Variants in ZEB1 observed in about 807,000 individuals in gnomAD.
The protein encoded by ZEB1 is zinc finger E-box binding homeobox 1.
In ZEB1, 21 loss-of-function variants were observed where a neutral mutation model predicts 84.9. The observed-to-expected ratio is 0.25, with a 90% CI of 0.18 to 0.36. The LOEUF is 0.36. Among genes scored for constraint, ZEB1 ranks in the 10% least tolerant of loss-of-function variants. The pLI, the probability that ZEB1 is intolerant of heterozygous loss-of-function variation, is 1.00. For synonymous variants in ZEB1, 420 were observed against 471.1 expected (o/e 0.89, Z 1.41); for missense variants, 1,104 against 1,330.2 (o/e 0.83, Z 2.65).
chr10:31,520,393 A>T lies in ZEB1; in HGVS notation c.1061A>T (p.Tyr354Phe), dbSNP rs148310638. The T allele has an allele frequency of 6.2e-6, 10 of 1,613,852 alleles. No homozygotes were observed. The African/African-American group carries it at 1.2e-4, about 19-fold the overall frequency. ...CAAATTAAAACTGAACCTGTGGATTATGAATTCAAACCCATAGTGGTTGCT... is the reference window on the plus strand; with the variant it reads ...CAAATTAAAACTGAACCTGTGGATTTTGAATTCAAACCCATAGTGGTTGCT... ...VNQIKTEPVD[Y>F]EFKPIVVASG... The change falls in exon 7 of 9, where the codon TAT (tyrosine) becomes TTT (phenylalanine). Residue 354 changes from tyrosine to phenylalanine, a missense_variant. This residue lies in a region of ZEB1 where 111 missense variants were observed against 161.8 expected (regional missense o/e 0.69). Transcript: ENST00000424869. This position sits in a 1 kb window ranked among gnomAD's most constrained non-coding sequence, Gnocchi z 5.1.
At chr10:31,341,090 T>G (rs2039270912) in intron 1 of ZEB1, among the ~76,000 whole-genome samples, 1 of 152,070 alleles carries the variant, frequency 6.6e-6, no homozygotes, top group African/African-American at 2.4e-5. Context: ...TTTTTGTGAG[T>G]TGGACAGTCA....
intron 1 of ZEB1, among the ~76,000 whole-genome samples, chr10:31,434,093 T>C (rs1279598872): frequency 3.9e-5 from 6 of 152,254 alleles, no homozygotes; most frequent in Admixed American, 1.3e-4. Flanking sequence ...TAAAAATTAT[T>C]TAACCATGTT....
intron 1 of ZEB1, 57 bp downstream of exon 1, chr10:31,319,349 G>A: frequency 6.4e-7 from 1 of 1,563,316 alleles, no homozygotes; most frequent in Non-Finnish European, 8.7e-7. Flanking sequence ...GGCAGCCGGG[G>A]CGCCCCCGGG....
intron 2 of ZEB1, among the ~76,000 whole-genome samples, chr10:31,482,950 T>G (rs1337460130): frequency 6.6e-6 from 1 of 152,054 alleles, no homozygotes; most frequent in East Asian, 1.9e-4. Flanking sequence ...TTTTTTGTAC[T>G]TTTCCTGATC....
chr10:31,510,561 A>G (rs574222773), intron 4 of ZEB1, 112 bp from the exon 5 acceptor site: 2 of 827,480 alleles, frequency 2.4e-6, no homozygotes, highest in South Asian at 2.9e-5. Context: ...TTTGAGGATC[A>G]AATATAAAGT....
intron 1 of ZEB1, among the ~76,000 whole-genome samples, chr10:31,379,696 G>A (rs1352867022): frequency 7.0e-6 from 1 of 143,150 alleles, no homozygotes; most frequent in East Asian, 2.0e-4. Context: ...AATAGATGAT[G>A]TTCCAAAGGC....
chr10:31,329,902 T>G (rs1357723867), intron 1 of ZEB1, among the ~76,000 whole-genome samples: 2 of 152,180 alleles, frequency 1.3e-5, no homozygotes, highest in Non-Finnish European at 2.9e-5. Flanking sequence ...TTGTTTGTCT[T>G]TTTATTATTC....
intron 1 of ZEB1, among the ~76,000 whole-genome samples, chr10:31,417,381 G>A (rs749421344): frequency 6.6e-6 from 1 of 152,090 alleles, no homozygotes; most frequent in Non-Finnish European, 1.5e-5. Context: ...GAGGTGTGAG[G>A]TTTAGGTTGG....
At chr10:31,365,870 T>G (rs1360639548) in intron 1 of ZEB1, among the ~76,000 whole-genome samples, 1 of 152,230 alleles carries the variant, frequency 6.6e-6, no homozygotes, top group Admixed American at 6.5e-5. Flanking sequence ...TATGCTCTAC[T>G]GAATATAGGG....
At chr10:31,466,205 G>A (rs190482043) in intron 2 of ZEB1, among the ~76,000 whole-genome samples, 7 of 152,260 alleles carry the variant, frequency 4.6e-5, no homozygotes, top group Non-Finnish European at 7.4e-5. Context: ...CAATAATGGA[G>A]AAATCATCTA....
chr10:31,319,207 C>G (rs367615307), upstream of ZEB1: 161 of 1,590,392 alleles, frequency 1.0e-4, no homozygotes, highest in Middle Eastern at 2.0e-4. Flanking sequence ...GGAGGTGACT[C>G]GAGCATTTAG....
chr10:31,511,254 A>T (rs556267652), intron 5 of ZEB1, among the ~76,000 whole-genome samples: 1 of 152,194 alleles, frequency 6.6e-6, no homozygotes, highest in Non-Finnish European at 1.5e-5. Context: ...TACTAACCAA[A>T]TTGACAAGAA....
Position 31,411,638 on chromosome 10 carries a change from CAAA to C in ZEB1, c.59-49383_59-49381del, listed in dbSNP as rs11440732. On this transcript the variant is annotated intron_variant, in intron 1 of 8. Transcript: ENST00000424869. ...TGGGCGACAGAGCGAGACTCCGTCTCAAAAAAAAAAAAAAAAAAGCAGCATTAG... is the reference window on the plus strand; with the variant it reads ...TGGGCGACAGAGCGAGACTCCGTCTCAAAAAAAAAAAAAAAGCAGCATTAG... 6.1e-5 allele frequency among the ~76,000 whole-genome samples: 6 copies of C among 98,092 alleles called. No individual in the cohort carries two copies. In the East Asian group the frequency reaches 1.2e-3, roughly 20 times the overall value. 64.4% of individuals were successfully genotyped at this position (98,092 alleles called of 152,430 possible).
At chr10:31,450,676 GTTTTC>G (rs1471982303) in intron 1 of ZEB1, among the ~76,000 whole-genome samples, 1 of 151,736 alleles carries the variant, frequency 6.6e-6, no homozygotes, top group Non-Finnish European at 1.5e-5. Context: ...ACTAACTTCA[GTTTTC>G]TTTTCATGCA....
chr10:31,524,047 T>C lies in ZEB1; in HGVS notation c.2719T>C (p.Cys907Arg), dbSNP rs776228676. The C allele has an allele frequency of 6.2e-7, 1 of 1,613,946 alleles. No individual in the cohort carries two copies. Among genetic ancestry groups the C allele is most frequent in the Admixed American group, 1.7e-5 (1 of 60,020 alleles). Residue 907 changes from cysteine (C) to arginine (R), a missense_variant, in exon 8 of 9, where the codon TGT (cysteine) becomes CGT (arginine). Physicochemically the swap from Cys to Arg is radical, Grantham distance 180. Coordinates refer to ENST00000424869, the MANE Select transcript of ZEB1 (RefSeq NM_001174096.2). ...GAAGACAGAAAATGGAATGTATGCT[T>C]GTGATTTGTGTGACAAGATATTCCA... is the stretch of plus-strand genomic sequence containing the variant. ...MRKTENGMYACDLCDKIFQKS... is the reference protein window; with the variant it reads ...MRKTENGMYARDLCDKIFQKS...
At chr10:31,515,802 C>T (rs750517512) in intron 6 of ZEB1, among the ~76,000 whole-genome samples, 3 of 151,924 alleles carry the variant, frequency 2.0e-5, no homozygotes, top group Non-Finnish European at 4.4e-5. Context: ...TGCAGCCTGC[C>T]ACAATATTCT....
intron 1 of ZEB1, among the ~76,000 whole-genome samples, chr10:31,336,265 A>G (rs1338798301): frequency 6.6e-6 from 1 of 152,164 alleles, no homozygotes; most frequent in Non-Finnish European, 1.5e-5. Flanking sequence ...CATGAAATGG[A>G]TCTGTGATGG....
In ZEB1 at chr10:31,457,979, T is replaced by G. The variant is rs144440288; in HGVS notation, c.59-3058T>G. ...GCATCATTAAAAGGTAAGAATGGCATCAGCATAAAACCATGGCCAACTCAA... is the reference window on the plus strand; with the variant it reads ...GCATCATTAAAAGGTAAGAATGGCAGCAGCATAAAACCATGGCCAACTCAA... On this transcript the variant is annotated intron_variant, in intron 1 of 8. Transcript: ENST00000424869. 3.1e-3 allele frequency among the ~76,000 whole-genome samples: 475 copies of G among 152,218 alleles called. 5 individuals are homozygous for G. Among genetic ancestry groups the G allele is most frequent in the Admixed American group, 7.8e-3 (119 of 15,288 alleles).
At chr10:31,333,649 A>G (rs2037308759) in intron 1 of ZEB1, among the ~76,000 whole-genome samples, 1 of 152,126 alleles carries the variant, frequency 6.6e-6, no homozygotes, top group Non-Finnish European at 1.5e-5. Context: ...AGCTGAAGAA[A>G]GAAAACATGG....
Sources: gnomAD v4.1 joint callset for allele counts (sites outside exome capture counted in the v4.1 genomes callset) on GRCh38, gnomAD v4.1.1 for gene constraint, gnomAD v4.1.1 regional missense constraint, Gnocchi (gnomAD v3.1) non-coding constraint, MANE v1.5 for transcripts, NCBI Gene and HGNC (gene_info 2026-07-23, HGNC 2026-07-21) for gene names.